The following SHISA6 variants were observed in gnomAD, a reference collection of about 807,000 sequenced individuals.
The protein encoded by SHISA6 is protein shisa-6.
Under a neutral mutation model 47.9 loss-of-function variants are expected in SHISA6, and 22 were observed. That is an observed-to-expected ratio of 0.46 (90% CI 0.33 to 0.66). The LOEUF (loss-of-function observed/expected upper bound fraction) is 0.66, where lower values mean the gene tolerates loss of function less well. SHISA6 is among the 30% of genes least tolerant of loss of function. The probability of loss-of-function intolerance (pLI) is 0.02; values close to 1 mark genes in which losing one functional copy is unlikely to be tolerated. For missense variants in SHISA6, 680 were observed against 764.6 expected, an observed-to-expected ratio of 0.89 and a Z score of 1.30; for synonymous variants, 388 against 337.8, an observed-to-expected ratio of 1.15 and a Z score of -1.63.
At chr17:11,449,439 T>C (rs1299526692) in intron 3 of SHISA6, among the ~76,000 whole-genome samples, 1 of 150,284 alleles carries the variant, frequency 6.7e-6, no homozygotes, top group Admixed American at 6.6e-5. Flanking sequence ...CGAGACTCCA[T>C]CTCTATTAAA....
At chr17:11,466,173 A>G (rs902070605) in intron 3 of SHISA6, among the ~76,000 whole-genome samples, 2 of 152,192 alleles carry the variant, frequency 1.3e-5, no homozygotes, top group Admixed American at 6.5e-5. Flanking sequence ...ATCACTGCTC[A>G]AAGTGCCTGC....
chr17:11,351,719 C>A (rs1911899832), intron 2 of SHISA6, among the ~76,000 whole-genome samples: 1 of 152,228 alleles, frequency 6.6e-6, no homozygotes, highest in Non-Finnish European at 1.5e-5. Flanking sequence ...AGGCCCTAAG[C>A]ACATATTTGT....
intron 3 of SHISA6, chr17:11,379,814 A>T (rs1222105344): frequency 2.0e-5 from 6 of 296,098 alleles, no homozygotes; most frequent in African/African-American, 1.4e-4. Flanking sequence ...CTGCCGGTGG[A>T]TGTAGCAGCA....
chr17:11,263,560 G>A, intron 2 of SHISA6, 34 bp downstream of exon 2: 1 of 1,550,400 alleles, frequency 6.4e-7, no homozygotes, highest in African/African-American at 1.4e-5. Context: ...ATTCTTTGCT[G>A]AGGCTGGTGA....
chr17:11,452,519 C>T (rs1184163091), intron 3 of SHISA6, among the ~76,000 whole-genome samples: 1 of 152,158 alleles, frequency 6.6e-6, no homozygotes. Flanking sequence ...GCTGCAGACA[C>T]AGGTGGGGGC....
At chr17:11,335,053 T>A (rs1911271761) in intron 2 of SHISA6, among the ~76,000 whole-genome samples, 1 of 152,214 alleles carries the variant, frequency 6.6e-6, no homozygotes, top group African/African-American at 2.4e-5. Flanking sequence ...CACTTCAACA[T>A]CTTTTCGTAG....
At position 11,397,393 on chromosome 17, in the gene SHISA6, C is replaced by CTGTG. The variant is rs1287850804; in HGVS notation, c.895+17885_895+17886insGTGT. ...GCTAAATGTCTACTCTCTTACCTGCCTCTGTGTGTGTGTGTGTGTGTGTGT... is the reference window on the plus strand; with the variant it reads ...GCTAAATGTCTACTCTCTTACCTGCCTGTGTCTGTGTGTGTGTGTGTGTGTGTGT... On this transcript the variant is annotated intron_variant, in intron 3 of 5. Coordinates refer to ENST00000441885, the MANE Select transcript of SHISA6 (RefSeq NM_207386.4). Among the ~76,000 whole-genome samples, 7 of 49,536 alleles carry CTGTG rather than the reference C, an allele frequency of 1.4e-4. No individual in the cohort carries two copies. The Admixed American group carries it at 1.5e-3, about 11-fold the overall frequency. The allele number at this position is 49,536 out of a possible 152,430, so 32.5% of individuals were successfully genotyped here.
At chr17:11,304,035 G>A (rs1247666874) in intron 2 of SHISA6, among the ~76,000 whole-genome samples, 1 of 152,318 alleles carries the variant, frequency 6.6e-6, no homozygotes, top group Non-Finnish European at 1.5e-5. Flanking sequence ...CTGCACAGAC[G>A]AATGGAGCAG....
chr17:11,357,698 G>A lies in SHISA6; in HGVS notation c.800-21716G>A, dbSNP rs188620633. 3.6e-3 allele frequency among the ~76,000 whole-genome samples: 549 copies of A among 152,274 alleles called. 2 individuals carry two copies. The highest frequency in any genetic ancestry group is 4.9e-3 in the Non-Finnish European group (335 of 68,018). On this transcript the variant is annotated intron_variant, in intron 2 of 5. Coordinates refer to ENST00000441885, the MANE Select transcript of SHISA6 (RefSeq NM_207386.4). ...ACATAATTTATGCAGCCTTTCCTCT[G>A]TTGATCACATTTAGCTTGATTCTAG...
Position 11,241,280 on chromosome 17 carries a change from G to A in SHISA6, c.-143G>A, listed in dbSNP as rs1469456326. On this transcript the variant is annotated 5_prime_UTR_variant, in exon 1 of 6. Transcript: ENST00000441885. This position sits in a 1 kb window ranked among gnomAD's most constrained non-coding sequence, Gnocchi z 5.5. ...CGCGCCGCCGCCGCCACTGCCGCCC[G>A]CGCCTCGATGGCGCCATCGCCCCGG... 1.1e-5 allele frequency: 4 copies of A among 357,654 alleles called. No homozygotes were observed. The East Asian group carries it at 5.1e-4, about 45-fold the overall frequency. 22.2% of individuals were successfully genotyped at this position (357,654 alleles called of 1,614,324 possible).
intron 3 of SHISA6, among the ~76,000 whole-genome samples, chr17:11,481,358 G>GTATATATATA (rs1209751142): frequency 4.5e-5 from 5 of 109,940 alleles, no homozygotes; most frequent in African/African-American, 1.8e-4. Flanking sequence ...GTGTGTGTGT[G>GTATATATATA]TGTGTGTGTA....
chr17:11,274,878 CAA>C (rs1908823642), intron 2 of SHISA6, among the ~76,000 whole-genome samples: 2 of 152,038 alleles, frequency 1.3e-5, no homozygotes, highest in Non-Finnish European at 2.9e-5. Flanking sequence ...TGATCATCAC[CAA>C]GTGCTTGAAG....
intron 2 of SHISA6, among the ~76,000 whole-genome samples, chr17:11,276,767 A>C (rs1908913536): frequency 6.6e-6 from 1 of 152,130 alleles, no homozygotes; most frequent in South Asian, 2.1e-4. Flanking sequence ...CATCACCATC[A>C]TCATCATCAT....
chr17:11,281,443 A>G (rs908642649), intron 2 of SHISA6, among the ~76,000 whole-genome samples: 7 of 152,212 alleles, frequency 4.6e-5, no homozygotes, highest in African/African-American at 1.7e-4. Context: ...GTTAACATGG[A>G]AAATTACATT....
chr17:11,313,175 C>G (rs1356454871), intron 2 of SHISA6, among the ~76,000 whole-genome samples: 1 of 152,336 alleles, frequency 6.6e-6, no homozygotes, highest in East Asian at 1.9e-4. Context: ...AGTATATACT[C>G]ATGCAGTATC....
chr17:11,397,249 A>G (rs372536559), intron 3 of SHISA6, among the ~76,000 whole-genome samples: 8 of 152,188 alleles, frequency 5.3e-5, no homozygotes, highest in East Asian at 1.9e-4. Context: ...GTATTTCTTA[A>G]CTTACACTTC....
At chr17:11,328,571 C>A (rs996708376) in intron 2 of SHISA6, among the ~76,000 whole-genome samples, 2 of 152,190 alleles carry the variant, frequency 1.3e-5, no homozygotes, top group African/African-American at 4.8e-5. Flanking sequence ...ATGTAGGAAA[C>A]ACTCAATAAA....
At chr17:11,548,426 A>C (rs1327292795) in intron 3 of SHISA6, among the ~76,000 whole-genome samples, 1 of 138,024 alleles carries the variant, frequency 7.2e-6, no homozygotes, top group Non-Finnish European at 1.5e-5. Flanking sequence ...AATGTTATTT[A>C]TGAATGCATA....
chr17:11,332,603 C>T (rs1911160161), intron 2 of SHISA6, among the ~76,000 whole-genome samples: 1 of 152,104 alleles, frequency 6.6e-6, no homozygotes, highest in Non-Finnish European at 1.5e-5. Context: ...AGCCTGTCTC[C>T]CTTTCGCAGG....
Sources: allele counts gnomAD v4.1 joint callset (sites outside exome capture counted in the v4.1 genomes callset), GRCh38; gene constraint gnomAD v4.1.1; non-coding constraint Gnocchi (gnomAD v3.1); transcripts MANE v1.5; gene names NCBI Gene and HGNC (gene_info 2026-07-23, HGNC 2026-07-21).